Variants in MAST2 observed in about 807,000 individuals in gnomAD.
The protein encoded by MAST2 is microtubule associated serine/threonine kinase 2, also known as microtubule-associated serine/threonine-protein kinase 2.
A neutral mutation model predicts 147.4 loss-of-function variants in MAST2; 70 were observed. The ratio of observed to expected loss-of-function variants is 0.47; its 90% CI spans 0.39 to 0.58. The LOEUF (loss-of-function observed/expected upper bound fraction) is 0.58. Among genes scored for constraint, MAST2 ranks in the 20% least tolerant of loss-of-function variants. The pLI is 0.00. For missense variants in MAST2, 2,080 were observed against 2,302.3 expected, an observed-to-expected ratio of 0.90 and a Z score of 1.98; for synonymous variants, 869 against 896.8, an observed-to-expected ratio of 0.97 and a Z score of 0.55.
intron 5 of MAST2, among the ~76,000 whole-genome samples, chr1:45,991,388 A>G (rs1287879698): frequency 1.3e-5 from 2 of 152,090 alleles, no homozygotes; most frequent in South Asian, 2.1e-4. Flanking sequence ...TTCCATGTAA[A>G]CTTTAGAATC....
At chr1:46,016,743 C>T (rs1287211317) in intron 10 of MAST2, among the ~76,000 whole-genome samples, 1 of 152,204 alleles carries the variant, frequency 6.6e-6, no homozygotes, top group Non-Finnish European at 1.5e-5. Flanking sequence ...AATGGCCATA[C>T]TGCCCAAGGT....
intron 4 of MAST2, among the ~76,000 whole-genome samples, chr1:45,951,602 A>G (rs933859849): frequency 6.6e-6 from 1 of 152,206 alleles, no homozygotes; most frequent in Admixed American, 6.5e-5. Flanking sequence ...AAAAAAGAAT[A>G]TAAAAGAAGG....
intron 6 of MAST2, among the ~76,000 whole-genome samples, chr1:45,998,147 A>G (rs1645132055): frequency 6.6e-6 from 1 of 152,212 alleles, no homozygotes; most frequent in African/African-American, 2.4e-5. Flanking sequence ...TCCTACAGTG[A>G]TGAATGAGAA....
intron 5 of MAST2, among the ~76,000 whole-genome samples, chr1:45,986,554 T>TA (rs1299448995): frequency 6.6e-6 from 1 of 151,936 alleles, no homozygotes; most frequent in African/African-American, 2.4e-5. Flanking sequence ...CCGTCTCTAC[T>TA]AAAAATACAA....
chr1:46,031,638 C>T lies in MAST2; in HGVS notation c.3187+53C>T. 1.9e-6 allele frequency: 3 copies of T among 1,556,236 alleles called. No homozygotes were observed. The highest frequency in any genetic ancestry group is 2.6e-6 in the Non-Finnish European group (3 of 1,141,956). On this transcript the variant is annotated intron_variant, in intron 24 of 28. Transcript: ENST00000361297. The surrounding 1 kb of genome is among the most constrained non-coding windows in gnomAD (Gnocchi z 4.1). ...ACTCACAGGAAGGGCCTTGTAATCT[C>T]TAGGCCTTGGGAGGGTTCTGCACGT... is the stretch of plus-strand genomic sequence containing the variant.
intron 11 of MAST2, among the ~76,000 whole-genome samples, chr1:46,021,074 G>T (rs1646161594): frequency 6.6e-6 from 1 of 152,138 alleles, no homozygotes; most frequent in Non-Finnish European, 1.5e-5. Context: ...GAAAGAGGTG[G>T]ATTAGAGGGG....
chr1:46,013,680 C>CAA (rs71587098), intron 10 of MAST2, among the ~76,000 whole-genome samples: 1 of 132,338 alleles, frequency 7.6e-6, no homozygotes, highest in African/African-American at 2.7e-5. Flanking sequence ...AACTCTGTCT[C>CAA]AAAAAAAAAA....
intron 3 of MAST2, among the ~76,000 whole-genome samples, chr1:45,841,224 T>C (rs1645264212): frequency 6.6e-6 from 1 of 152,074 alleles, no homozygotes; most frequent in African/African-American, 2.4e-5. Flanking sequence ...CCTCCCAGAG[T>C]GCTGGAATTA....
intron 10 of MAST2, among the ~76,000 whole-genome samples, chr1:46,014,391 G>C (rs1174758338): frequency 7.5e-6 from 1 of 133,752 alleles, no homozygotes; most frequent in Non-Finnish European, 1.5e-5. Context: ...TGTCCTCATT[G>C]TTCAATTCCC....
intron 28 of MAST2, 98 bp from the exon 29 acceptor site, chr1:46,034,440 G>A: frequency 7.2e-7 from 1 of 1,379,794 alleles, no homozygotes; most frequent in Non-Finnish European, 9.9e-7. Flanking sequence ...TTGGTTTCTG[G>A]GACATAACAG....
At chr1:45,930,977 C>T (rs1056674163) in intron 4 of MAST2, among the ~76,000 whole-genome samples, 2 of 152,208 alleles carry the variant, frequency 1.3e-5, no homozygotes, top group African/African-American at 4.8e-5. Context: ...GATATGTTAT[C>T]TCATCAGCCC....
At position 46,031,444 on chromosome 1, in the gene MAST2, A is replaced by G; in HGVS notation, c.3046A>G (p.Lys1016Glu). ...TSQLAEGATA[K>E]AISDLAVRRA... is the part of the protein sequence containing the mutation. Reference sequence around the variant, plus strand: ...ACAGCTGGCTGAGGGAGCCACAGCCAAGGCCATCAGTGACCTGGCTGTGCG... The same window carrying G: ...ACAGCTGGCTGAGGGAGCCACAGCCGAGGCCATCAGTGACCTGGCTGTGCG... The change falls in exon 24 of 29, where the codon AAG (lysine) becomes GAG (glutamate). Residue 1016 changes from lysine to glutamate, a missense_variant. Lys to Glu is a moderately conservative substitution (Grantham distance 56). This residue lies in a region of MAST2 where 1,278 missense variants were observed against 1,304.2 expected (regional missense o/e 0.98). Transcript: ENST00000361297. This position sits in a 1 kb window ranked among gnomAD's most constrained non-coding sequence, Gnocchi z 4.1. The G allele has an allele frequency of 1.9e-6, 3 of 1,614,106 alleles. No individual in the cohort carries two copies. The highest frequency in any genetic ancestry group is 2.5e-6 in the Non-Finnish European group (3 of 1,180,000).
In MAST2 at chr1:45,959,440, A is replaced by G. The variant is rs773893882; in HGVS notation, c.555A>G (p.Thr185=). ...TTGTGACCTCTAGCACATCACCTAC[A>G]CTACCACGGCCACACTCACCACTCC... ...SLIVTSSTSP[T]LPRPHSPLHG... is the part of the protein sequence containing the mutation. The change falls in exon 5 of 29, where the codon ACA becomes ACG. Residue 185 remains threonine (T), a synonymous_variant. Coordinates refer to ENST00000361297, the MANE Select transcript of MAST2 (RefSeq NM_015112.3). The G allele has an allele frequency of 9.3e-6, 15 of 1,613,688 alleles. No individual in the cohort carries two copies. The highest frequency in any genetic ancestry group is 1.2e-5 in the Non-Finnish European group (14 of 1,179,832).
At chr1:45,852,801 G>A (rs1280506680) in intron 3 of MAST2, among the ~76,000 whole-genome samples, 3 of 140,270 alleles carry the variant, frequency 2.1e-5, no homozygotes, top group African/African-American at 5.3e-5. Context: ...CTCTTTGTGT[G>A]TAGTATTCCA....
intron 18 of MAST2, 27 bp from the exon 19 acceptor site, chr1:46,029,439 T>G (rs919074270): frequency 4.0e-5 from 63 of 1,585,828 alleles, no homozygotes; most frequent in Non-Finnish European, 4.8e-5. Context: ...CAATTTCTCC[T>G]TTCCCTCTCA....
At chr1:45,917,389 C>A in intron 4 of MAST2, 1 of 1,366,554 alleles carries the variant, frequency 7.3e-7, no homozygotes, top group Non-Finnish European at 9.8e-7. Flanking sequence ...ATGTTTTCAC[C>A]CACATCTGCT....
At chr1:45,869,529 A>G (rs1646293680) in intron 3 of MAST2, among the ~76,000 whole-genome samples, 1 of 152,242 alleles carries the variant, frequency 6.6e-6, no homozygotes, top group Admixed American at 6.5e-5. Flanking sequence ...ATCAACCAAC[A>G]TAGTCTCTAT....
rs1344615305 is a variant in MAST2, at chr1:45,861,896, G to T, written c.469-20468G>T. 3.9e-5 allele frequency among the ~76,000 whole-genome samples: 6 copies of T among 152,332 alleles called. No homozygotes were observed. In the South Asian group the frequency reaches 1.0e-3, roughly 26 times the overall value. On this transcript the variant is annotated intron_variant, in intron 3 of 28. Coordinates refer to ENST00000361297, the MANE Select transcript of MAST2 (RefSeq NM_015112.3). Reference sequence around the variant, plus strand: ...AAGGGTACCAGTTGACTTCAAGTCAGTTAAATTGGATGACATTCTTTAATG... The same window carrying T: ...AAGGGTACCAGTTGACTTCAAGTCATTTAAATTGGATGACATTCTTTAATG...
intron 4 of MAST2, among the ~76,000 whole-genome samples, chr1:45,934,253 G>A (rs1221694385): frequency 6.6e-6 from 1 of 152,114 alleles, no homozygotes; most frequent in African/African-American, 2.4e-5. Flanking sequence ...CATAATTTCC[G>A]GTGGGCGGAT....
Sources: gnomAD v4.1 joint callset for allele counts (sites outside exome capture counted in the v4.1 genomes callset) on GRCh38, gnomAD v4.1.1 for gene constraint, gnomAD v4.1.1 regional missense constraint, Gnocchi (gnomAD v3.1) non-coding constraint, MANE v1.5 for transcripts, NCBI Gene and HGNC (gene_info 2026-07-23, HGNC 2026-07-21) for gene names.